The following ARHGAP28 variants were observed in gnomAD, a reference collection of about 807,000 sequenced individuals.
The protein encoded by ARHGAP28 is rho GTPase-activating protein 28.
ARHGAP28 carries 56 observed loss-of-function variants against 90.7 expected under a neutral mutation model. The ratio of observed to expected loss-of-function variants is 0.62; its 90% CI spans 0.50 to 0.77. The LOEUF (loss-of-function observed/expected upper bound fraction) is 0.77. ARHGAP28 is among the 30% of genes least tolerant of loss of function. The pLI is 0.00. For missense variants in ARHGAP28, 869 were observed against 900.9 expected (o/e 0.96, Z 0.45); for synonymous variants, 308 against 323.3 (o/e 0.95, Z 0.51).
At chr18:6,791,626 G>A (rs887707016) in intron 1 of ARHGAP28, 1 of 152,180 alleles carries the variant, frequency 6.6e-6, no homozygotes. Flanking sequence ...GTCTACATGA[G>A]CTGTATTGCT....
Position 6,896,592 on chromosome 18 carries a change from A to C in ARHGAP28, c.1996A>C (p.Lys666Gln), listed in dbSNP as rs774587457. 3 of 1,614,176 alleles carry C rather than the reference A, an allele frequency of 1.9e-6. No individual in the cohort carries two copies. ...TCAACTCAACAATCAAACCAAAGCCAAAGACATATTGGCAAAATTTCAATA... is the reference window on the plus strand; with the variant it reads ...TCAACTCAACAATCAAACCAAAGCCCAAGACATATTGGCAAAATTTCAATA... ...AIQLNNQTKA[K>Q]DILAKFQYEN... is the part of the protein sequence containing the mutation. The change falls in exon 16 of 18, where the codon AAA (lysine) becomes CAA (glutamine). Residue 666 changes from lysine (K) to glutamine (Q), a missense_variant. By Grantham distance (53) the Lys-to-Gln change is moderately conservative. Transcript: ENST00000383472.
chr18:6,839,450 C>G (rs566595609), intron 3 of ARHGAP28, among the ~76,000 whole-genome samples: 1 of 152,102 alleles, frequency 6.6e-6, no homozygotes, highest in Non-Finnish European at 1.5e-5. Flanking sequence ...CCAGCCACCA[C>G]GCCTGGCTAA....
intron 1 of ARHGAP28, among the ~76,000 whole-genome samples, chr18:6,757,907 T>G (rs2056125021): frequency 6.6e-6 from 1 of 152,090 alleles, no homozygotes; most frequent in African/African-American, 2.4e-5. Flanking sequence ...AGAAGATAAA[T>G]GAGCTCTGCC....
intron 1 of ARHGAP28, among the ~76,000 whole-genome samples, chr18:6,756,604 A>G (rs921869220): frequency 7.9e-5 from 12 of 152,200 alleles, no homozygotes; most frequent in African/African-American, 2.9e-4. Context: ...AATAGGATAT[A>G]TGTATATATG....
At chr18:6,850,690 A>G in intron 3 of ARHGAP28, 1 of 785,966 alleles carries the variant, frequency 1.3e-6, no homozygotes, top group Non-Finnish European at 1.9e-6. Context: ...ACTGGATGGA[A>G]CCATCACATG....
At position 6,914,677 on chromosome 18, in the gene ARHGAP28, A is replaced by G. The variant is rs1367332124; in HGVS notation, c.*2523A>G. 3 of 152,214 alleles carry G rather than the reference A, an allele frequency of 2.0e-5. No homozygotes were observed. The highest frequency in any genetic ancestry group is 6.5e-5 in the Admixed American group (1 of 15,276). The allele number at this position is 152,214 out of a possible 1,614,324, so 9.4% of individuals were successfully genotyped here. A position where few individuals can be genotyped will look rare whatever the true frequency, so the allele number is the denominator to read the frequency against. ...AAAGAAGGGCAGATACTGGGCTTCTACATGCTATCCTTAAGAGCTTCTCCC... is the reference window on the plus strand; with the variant it reads ...AAAGAAGGGCAGATACTGGGCTTCTGCATGCTATCCTTAAGAGCTTCTCCC... On this transcript the variant is annotated 3_prime_UTR_variant, in exon 18 of 18. Coordinates refer to ENST00000383472, the MANE Select transcript of ARHGAP28 (RefSeq NM_001366230.1).
intron 4 of ARHGAP28, among the ~76,000 whole-genome samples, chr18:6,852,221 C>T (rs1253695692): frequency 6.6e-6 from 1 of 152,086 alleles, no homozygotes; most frequent in East Asian, 1.9e-4. Flanking sequence ...ACCACTAAAC[C>T]CAAGCACTTA....
chr18:6,867,447 A>T (rs1204496347), intron 5 of ARHGAP28, among the ~76,000 whole-genome samples: 1 of 152,148 alleles, frequency 6.6e-6, no homozygotes, highest in Non-Finnish European at 1.5e-5. Flanking sequence ...TTGCATGTAA[A>T]TTGTTTTGAT....
rs529246253 is a variant in ARHGAP28, at chr18:6,894,058, G to A, written c.1849-777G>A. 5.9e-5 allele frequency among the ~76,000 whole-genome samples: 9 copies of A among 151,954 alleles called. No homozygotes were observed. The East Asian group carries it at 9.7e-4, about 16-fold the overall frequency. On this transcript the variant is annotated intron_variant, in intron 14 of 17. Transcript: ENST00000383472. ...ATTTTTTTGTATTTTTAGTAAAGAC[G>A]GGGTTTCACCGTGTTAGCCAGGATG...
intron 1 of ARHGAP28, among the ~76,000 whole-genome samples, chr18:6,767,726 A>G (rs964267220): frequency 6.6e-6 from 1 of 151,866 alleles, no homozygotes; most frequent in Non-Finnish European, 1.5e-5. Flanking sequence ...GTTTTTTGCT[A>G]CTCTGCTGCT....
intron 10 of ARHGAP28, among the ~76,000 whole-genome samples, chr18:6,881,766 G>T (rs2143640806): frequency 6.6e-6 from 1 of 152,256 alleles, no homozygotes; most frequent in Non-Finnish European, 1.5e-5. Flanking sequence ...TGGCAGAAGG[G>T]ATTATGAAAA....
chr18:6,757,108 G>A (rs73938285), intron 1 of ARHGAP28, among the ~76,000 whole-genome samples: 25,398 of 151,908 alleles, frequency 0.17, 2,236 homozygotes, highest in East Asian at 0.21. Context: ...ACAGTAAAGA[G>A]CATTACTTAA....
At chr18:6,900,778 C>T (rs2057334298) in intron 16 of ARHGAP28, among the ~76,000 whole-genome samples, 1 of 152,112 alleles carries the variant, frequency 6.6e-6, no homozygotes, top group Non-Finnish European at 1.5e-5. Context: ...ATGAAATACA[C>T]CCCCAATTAG....
chr18:6,799,945 A>T (rs2056469973), intron 1 of ARHGAP28, among the ~76,000 whole-genome samples: 1 of 152,162 alleles, frequency 6.6e-6, no homozygotes, highest in African/African-American at 2.4e-5. Context: ...AATGGGAGAA[A>T]ATTTTTGCAA....
intron 5 of ARHGAP28, among the ~76,000 whole-genome samples, chr18:6,864,555 T>A (rs985555295): frequency 1.3e-5 from 2 of 152,254 alleles, no homozygotes; most frequent in African/African-American, 4.8e-5. Flanking sequence ...ATTTACATTA[T>A]AATTTTAAAT....
intron 1 of ARHGAP28, among the ~76,000 whole-genome samples, chr18:6,819,322 G>GA (rs1222427351): frequency 2.0e-5 from 3 of 150,468 alleles, no homozygotes; most frequent in Non-Finnish European, 3.0e-5. Flanking sequence ...GTAGCAGCTA[G>GA]AAAAAAAAAG....
chr18:6,778,783 G>A (rs551302398), intron 1 of ARHGAP28, among the ~76,000 whole-genome samples: 10 of 152,284 alleles, frequency 6.6e-5, no homozygotes, highest in African/African-American at 2.2e-4. Flanking sequence ...ACCTTTTTGA[G>A]TGACTGTCTG....
intron 2 of ARHGAP28, among the ~76,000 whole-genome samples, chr18:6,836,781 G>A (rs9958414): frequency 0.059 from 8,990 of 152,256 alleles, 283 homozygotes; most frequent in African/African-American, 0.083. Context: ...TAAGACTTAG[G>A]AATCAGGCAG....
At chr18:6,853,386 T>C (rs4797259) in intron 4 of ARHGAP28, among the ~76,000 whole-genome samples, 76,113 of 151,778 alleles carry the variant, frequency 0.5, 20,422 homozygotes, top group Non-Finnish European at 0.61. Flanking sequence ...GGAGGCTTCA[T>C]CTGCATGATA....
Sources: allele counts gnomAD v4.1 joint callset (sites outside exome capture counted in the v4.1 genomes callset), GRCh38; gene constraint gnomAD v4.1.1; transcripts MANE v1.5; gene names NCBI Gene and HGNC (gene_info 2026-07-23, HGNC 2026-07-21).